Variants in ADGRE5 observed in about 807,000 individuals in gnomAD.
The protein encoded by ADGRE5 is CD97 molecule.
In ADGRE5, 72 loss-of-function variants were observed where a neutral mutation model predicts 100.3. The ratio of observed to expected loss-of-function variants is 0.72; its 90% confidence interval spans 0.59 to 0.87. The LOEUF (loss-of-function observed/expected upper bound fraction) is 0.87, where lower values mean the gene tolerates loss of function less well. ADGRE5 is among the 40% of genes least tolerant of loss of function. The pLI, the probability that ADGRE5 is intolerant of heterozygous loss-of-function variation, is 0.00. For synonymous variants in ADGRE5, 439 were observed against 447.8 expected (o/e 0.98, Z 0.25); for missense variants, 959 against 1,094.7 (o/e 0.88, Z 1.75).
rs747983615 is a variant in ADGRE5, at chr19:14,402,755, A to G, written c.1342A>G (p.Ile448Val). ...CAGACGCCTCTCTGCCGTCAACTCC[A>G]TCTTTCTGAGCCACAACAACACCAA... The part of the protein sequence containing the change: ...QLRRLSAVNS[I>V]FLSHNNTKEL... Residue 448 changes from isoleucine (I) to valine (V), a missense_variant, in exon 12 of 20, where the codon ATC becomes GTC. By Grantham distance (29) the Ile-to-Val change is conservative. This residue lies in a region of ADGRE5 where 246 missense variants were observed against 242.2 expected (regional missense o/e 1.02). Coordinates refer to ENST00000242786, the MANE Select transcript of ADGRE5 (RefSeq NM_078481.4). 2 of 1,613,972 alleles carry G rather than the reference A, an allele frequency of 1.2e-6. No homozygotes were observed. Among genetic ancestry groups the G allele is most frequent in the South Asian group, 1.1e-5 (1 of 91,082 alleles).
chr19:14,395,248 C>A (rs1975732438), intron 4 of ADGRE5, among the ~76,000 whole-genome samples: 1 of 151,016 alleles, frequency 6.6e-6, no homozygotes, highest in Non-Finnish European at 1.5e-5. Context: ...TCGCAGTGAG[C>A]TGAGATCACA....
intron 9 of ADGRE5, among the ~76,000 whole-genome samples, chr19:14,398,745 C>T (rs1975889205): frequency 6.7e-6 from 1 of 149,536 alleles, no homozygotes; most frequent in Non-Finnish European, 1.5e-5. Flanking sequence ...ATTGCCACTT[C>T]TTGCTCTGTG....
chr19:14,389,592 CG>C (rs1975521591), intron 3 of ADGRE5, among the ~76,000 whole-genome samples: 1 of 150,648 alleles, frequency 6.6e-6, no homozygotes, highest in South Asian at 2.1e-4. Context: ...AAAAATTAGC[CG>C]GGGGTGGTGG....
rs1381548274 is a variant in ADGRE5, at chr19:14,401,773, G to T, written c.1183+13G>T. 1 of 1,520,034 alleles carries T rather than the reference G, an allele frequency of 6.6e-7. No homozygotes were observed. The highest frequency in any genetic ancestry group is 1.4e-5 in the African/African-American group (1 of 72,116). The allele number at this position is 1,520,034 out of a possible 1,614,324, so 94.2% of individuals were successfully genotyped here. ...GCCGAGGATCCAGGTAGCAGCGGTG[G>T]TCTGGAGGGGGAGCCCGTGGGAGAG... On this transcript the variant is annotated intron_variant, in intron 11 of 19. Transcript: ENST00000242786. The surrounding 1 kb of genome is among the most constrained non-coding windows in gnomAD (Gnocchi z 4.1).
intron 1 of ADGRE5, among the ~76,000 whole-genome samples, chr19:14,384,971 TTTC>T (rs1975286933): frequency 6.7e-6 from 1 of 149,820 alleles, no homozygotes; most frequent in African/African-American, 2.4e-5. Context: ...TCTTTGTTCT[TTTC>T]TTTTCTTTCT....
rs1042407617 is a variant in ADGRE5, at chr19:14,399,481, G to A, written c.897+1342G>A. Among the ~76,000 whole-genome samples, 30 of 145,056 alleles carry A rather than the reference G, an allele frequency of 2.1e-4. 1 individual carries two copies. In the East Asian group the frequency reaches 5.4e-3, roughly 26 times the overall value. On this transcript the variant is annotated intron_variant, in intron 9 of 19. Transcript: ENST00000242786. Reference sequence around the variant, plus strand: ...TGGGAGGCTGAGGCAGGAGAATGGCGTGAACCCGGGAAGCGGAGCTTGCAG... The same window carrying A: ...TGGGAGGCTGAGGCAGGAGAATGGCATGAACCCGGGAAGCGGAGCTTGCAG...
At chr19:14,397,577 G>A in intron 6 of ADGRE5, 81 bp from the exon 7 acceptor site, 1 of 1,609,832 alleles carries the variant, frequency 6.2e-7, no homozygotes, top group Non-Finnish European at 8.5e-7. Flanking sequence ...AATGCCGGGA[G>A]GAATGAGCTG....
intron 6 of ADGRE5, 153 bp downstream of exon 6, chr19:14,397,376 A>G: frequency 8.0e-7 from 1 of 1,248,162 alleles, no homozygotes; most frequent in Non-Finnish European, 1.1e-6. Context: ...GAAAAGAGCA[A>G]GGGTCCTCCG....
rs1976068881 is a variant in ADGRE5 at position 14,402,813 on chromosome 19, C to T, written c.1400C>T (p.Ser467Phe). The T allele has an allele frequency of 6.2e-7, 1 of 1,614,072 alleles. No individual in the cohort carries two copies. The highest frequency in any genetic ancestry group is 8.5e-7 in the Non-Finnish European group (1 of 1,180,006). The change falls in exon 12 of 20, where the codon TCC (serine) becomes TTC (phenylalanine). Residue 467 changes from serine to phenylalanine, a missense_variant. By Grantham distance (155) the Ser-to-Phe change is radical. Coordinates refer to ENST00000242786, the MANE Select transcript of ADGRE5 (RefSeq NM_078481.4). ...AACTCCCCCATCCTTTTCGCCTTCT[C>T]CCACCTTGAGTCCTCCGATGGGGAG... Reference protein sequence around the residue: ...ELNSPILFAFSHLESSDGEAG... With the variant: ...ELNSPILFAFFHLESSDGEAG...
Position 14,397,704 on chromosome 19 carries a change from C to T in ADGRE5, c.672C>T (p.Thr224=), listed in dbSNP as rs200457196. The part of the protein sequence containing the change: ...SSGQHQCDSS[T]VCFNTVGSYS... Reference sequence around the variant, plus strand: ...GGCAGCATCAGTGTGACAGCTCCACCGTCTGCTTCAACACCGTGGGTTCAT... The same window carrying T: ...GGCAGCATCAGTGTGACAGCTCCACTGTCTGCTTCAACACCGTGGGTTCAT... Residue 224 remains threonine (T), a synonymous_variant, in exon 7 of 20, where the codon ACC becomes ACT. Transcript: ENST00000242786. The T allele has an allele frequency of 1.5e-4, 226 of 1,518,496 alleles. 1 individual carries two copies. Among genetic ancestry groups the T allele is most frequent in the Non-Finnish European group, 1.1e-4 (123 of 1,103,454 alleles). The allele number at this position is 1,518,496 out of a possible 1,614,324, so 94.1% of individuals were successfully genotyped here. A position where few individuals can be genotyped will look rare whatever the true frequency, so the allele number is the denominator to read the frequency against.
At position 14,405,915 on chromosome 19, in the gene ADGRE5, C is replaced by T. The variant is rs1392358536; in HGVS notation, c.1797C>T (p.Ala599=). Residue 599 remains alanine, a synonymous_variant, in exon 14 of 20, where the codon GCC becomes GCT. Coordinates refer to ENST00000242786, the MANE Select transcript of ADGRE5 (RefSeq NM_078481.4). ...CLFVGSTIFL[A]GIENEGGQVG... Reference sequence around the variant, plus strand: ...TCGTGGGCTCCACCATCTTCCTGGCCGGCATCGAGAACGAAGGCGGCCAGG... The same window carrying T: ...TCGTGGGCTCCACCATCTTCCTGGCTGGCATCGAGAACGAAGGCGGCCAGG... The T allele has an allele frequency of 6.2e-7, 1 of 1,609,962 alleles. No homozygotes were observed. The highest frequency in any genetic ancestry group is 8.5e-7 in the Non-Finnish European group (1 of 1,179,934).
intron 1 of ADGRE5, chr19:14,386,568 C>G (rs1360949725): frequency 1.3e-5 from 2 of 150,520 alleles, no homozygotes; most frequent in Non-Finnish European, 3.0e-5. Context: ...GTGGCGGGAG[C>G]CTGTGGTCCC....
At position 14,407,946 on chromosome 19, in the gene ADGRE5, T is replaced by C. The variant is rs1976346769; in HGVS notation, c.2415T>C (p.Ala805=). The change falls in exon 19 of 20, where the codon GCT becomes GCC. Residue 805 remains alanine (A), a synonymous_variant. Coordinates refer to ENST00000242786, the MANE Select transcript of ADGRE5 (RefSeq NM_078481.4). The part of the protein sequence containing the change: ...EEYRKWACLV[A]GGSKYSEFTS... The stretch of plus-strand genomic sequence containing the variant: ...ACCGGAAGTGGGCCTGCCTAGTTGC[T>C]GGGGGGAGCAAGTACTCAGAATTCA... 2.5e-6 allele frequency: 4 copies of C among 1,614,028 alleles called. No homozygotes were observed. In the South Asian group the frequency reaches 4.4e-5, roughly 18 times the overall value.
Position 14,402,661 on chromosome 19 carries a change from G to A in ADGRE5, c.1248G>A (p.Leu416=), listed in dbSNP as rs748913967. ...NMTTLLANAS[L]NLHSKKQAEL... is the part of the protein sequence containing the mutation. Reference sequence around the variant, plus strand: ...CGACATTGCTGGCCAATGCCTCCTTGAACCTGCATTCCAAGAAGCAAGCCG... The same window carrying A: ...CGACATTGCTGGCCAATGCCTCCTTAAACCTGCATTCCAAGAAGCAAGCCG... The change falls in exon 12 of 20, where the codon TTG becomes TTA. Residue 416 remains leucine, a synonymous_variant. Coordinates refer to ENST00000242786, the MANE Select transcript of ADGRE5 (RefSeq NM_078481.4). 8 of 1,614,094 alleles carry A rather than the reference G, an allele frequency of 5.0e-6. No individual in the cohort carries two copies. In the South Asian group the frequency reaches 7.7e-5, roughly 16 times the overall value.
In ADGRE5 at chr19:14,406,255, G is replaced by A; in HGVS notation, c.1822-76G>A. The A allele has an allele frequency of 4.2e-6, 5 of 1,196,750 alleles. No individual in the cohort carries two copies. In the Admixed American group the frequency reaches 1.2e-4, roughly 28 times the overall value. The allele number at this position is 1,196,750 out of a possible 1,614,324, so 74.1% of individuals were successfully genotyped here. On this transcript the variant is annotated intron_variant, in intron 14 of 19. Transcript: ENST00000242786. The surrounding 1 kb of genome is among the most constrained non-coding windows in gnomAD (Gnocchi z 6.0). Reference sequence around the variant, plus strand: ...GTGGTCCCGCCCACTCTCGGGACCTGGCAGGCGACTGGCTCTGGCGCCGCA... The same window carrying A: ...GTGGTCCCGCCCACTCTCGGGACCTAGCAGGCGACTGGCTCTGGCGCCGCA...
chr19:14,382,375 C>T (rs1193308938), intron 1 of ADGRE5, among the ~76,000 whole-genome samples: 1 of 152,158 alleles, frequency 6.6e-6, no homozygotes, highest in Non-Finnish European at 1.5e-5. Context: ...GGGCAGTTGC[C>T]AAGACCTGGC....
rs1976255284 is a variant in ADGRE5, at chr19:14,406,669, G to T, written c.2049-31G>T. On this transcript the variant is annotated intron_variant, in intron 15 of 19. Transcript: ENST00000242786. The surrounding 1 kb of genome is among the most constrained non-coding windows in gnomAD (Gnocchi z 6.0). Reference sequence around the variant, plus strand: ...TCCGTTCCGCTCCTGGCTTCCTGGGGCACTGATGGGACCCCTCCCTTCCCT... The same window carrying T: ...TCCGTTCCGCTCCTGGCTTCCTGGGTCACTGATGGGACCCCTCCCTTCCCT... The T allele has an allele frequency of 1.2e-6, 2 of 1,612,018 alleles. No homozygotes were observed. Among genetic ancestry groups the T allele is most frequent in the Non-Finnish European group, 1.7e-6 (2 of 1,178,234 alleles).
At chr19:14,389,332 G>GGGAAGGGGA in intron 3 of ADGRE5, among the ~76,000 whole-genome samples, 1 of 34,802 alleles carries the variant, frequency 2.9e-5, no homozygotes, top group Non-Finnish European at 4.9e-5. Flanking sequence ...GGGGAGGGAG[G>GGGAAGGGGA]GGGGAAGGGG....
rs147982489 is a variant in ADGRE5 at position 14,395,598 on chromosome 19, C to T, written c.347-744C>T. On this transcript the variant is annotated intron_variant, in intron 4 of 19. Transcript: ENST00000242786. ...CTCTCTAGCCACAGGCCCCCGCTCA[C>T]GGCCAGTTCTGCTTAGATATGGATT... is the stretch of plus-strand genomic sequence containing the variant. Among the ~76,000 whole-genome samples the T allele has an allele frequency of 5.6e-3, 847 of 152,328 alleles. 7 individuals carry two copies. The highest frequency in any genetic ancestry group is 0.019 in the African/African-American group (779 of 41,576).
Sources: allele counts gnomAD v4.1 joint callset (sites outside exome capture counted in the v4.1 genomes callset), GRCh38; gene constraint gnomAD v4.1.1; regional missense constraint gnomAD v4.1.1; non-coding constraint Gnocchi (gnomAD v3.1); transcripts MANE v1.5; gene names NCBI Gene and HGNC (gene_info 2026-07-23, HGNC 2026-07-21).